TMEM17: variants seen among roughly 807,000 people sequenced by gnomAD.
TMEM17 encodes transmembrane protein 17.
In TMEM17, 15 loss-of-function variants were observed where a neutral mutation model predicts 19.1. The ratio of observed to expected loss-of-function variants is 0.78; its 90% confidence interval spans 0.52 to 1.21. The LOEUF (loss-of-function observed/expected upper bound fraction) is 1.21. TMEM17 is among the 50% of genes most tolerant of loss of function. TMEM17 has a pLI of 0.00. For missense variants in TMEM17, 245 were observed against 242.3 expected (o/e 1.01, Z -0.07); for synonymous variants, 103 against 86.9 (o/e 1.19, Z -1.03).
intron 1 of TMEM17, among the ~76,000 whole-genome samples, chr2:62,504,079 A>G (rs1280881397): frequency 6.6e-6 from 1 of 152,182 alleles, no homozygotes; most frequent in Non-Finnish European, 1.5e-5. Flanking sequence ...TAAAAACATT[A>G]TTTTCTCCTT....
chr2:62,498,826 A>G (rs1479344723), downstream of TMEM17, among the ~76,000 whole-genome samples: 1 of 152,166 alleles, frequency 6.6e-6, no homozygotes, highest in Admixed American at 6.5e-5. Flanking sequence ...AAAAATTTTC[A>G]GTACAGTGTT....
the TMEM17 span, among the ~76,000 whole-genome samples, chr2:62,490,950 G>A: frequency 1.3e-5 from 2 of 151,886 alleles, no homozygotes; most frequent in African/African-American, 4.8e-5. Flanking sequence ...GCAGTGGTGT[G>A]TGCCTGTAAT....
the TMEM17 span, chr2:62,463,852 A>AC: frequency 6.6e-6 from 1 of 152,264 alleles, no homozygotes; most frequent in South Asian, 2.1e-4. Flanking sequence ...CAGCTGGCAG[A>AC]GAGGAGAAGC....
the TMEM17 span, among the ~76,000 whole-genome samples, chr2:62,484,163 T>C: frequency 3.3e-5 from 5 of 152,254 alleles, no homozygotes; most frequent in African/African-American, 1.2e-4. Context: ...GGTTGGTGTC[T>C]TTCCAGACCA....
chr2:62,478,844 T>G, the TMEM17 span, among the ~76,000 whole-genome samples: 1 of 152,368 alleles, frequency 6.6e-6, no homozygotes, highest in South Asian at 2.1e-4. Context: ...TCCTAATTTA[T>G]GCTTCCTTTG....
chr2:62,471,795 G>A, the TMEM17 span, among the ~76,000 whole-genome samples: 9 of 152,284 alleles, frequency 5.9e-5, no homozygotes, highest in African/African-American at 2.2e-4. Flanking sequence ...AATGGCTGTG[G>A]GCTGGTGTGC....
the TMEM17 span, among the ~76,000 whole-genome samples, chr2:62,462,359 T>C: frequency 6.6e-6 from 1 of 152,288 alleles, no homozygotes; most frequent in Admixed American, 6.5e-5. Flanking sequence ...GTTCCAGCCT[T>C]GTGTGACTTT....
the TMEM17 span, among the ~76,000 whole-genome samples, chr2:62,477,414 C>T: frequency 7.2e-6 from 1 of 138,656 alleles, no homozygotes; most frequent in African/African-American, 2.7e-5. Context: ...ACAAAAAAAT[C>T]TCTCAGGGTT....
At chr2:62,466,161 GAGTTTGGAATGTAA>G in the TMEM17 span, among the ~76,000 whole-genome samples, 1 of 152,158 alleles carries the variant, frequency 6.6e-6, no homozygotes, top group African/African-American at 2.4e-5. Flanking sequence ...AGTTTTCTAG[GAGTTTGGAATGTAA>G]AGTTCTTCAC....
the TMEM17 span, among the ~76,000 whole-genome samples, chr2:62,465,473 C>G: frequency 6.6e-6 from 1 of 152,020 alleles, no homozygotes; most frequent in Admixed American, 6.6e-5. Flanking sequence ...TGAAAAGTTT[C>G]TTAAAAAGTG....
At chr2:62,478,444 C>T in the TMEM17 span, among the ~76,000 whole-genome samples, 2 of 152,230 alleles carry the variant, frequency 1.3e-5, no homozygotes, top group Non-Finnish European at 2.9e-5. Flanking sequence ...AGACCCAGCC[C>T]AAGCTCTGCA....
Position 62,500,957 on chromosome 2 carries a change from C to T in TMEM17, c.*252G>A. The T allele has an allele frequency of 5.7e-6, 2 of 352,976 alleles. No homozygotes were observed. The highest frequency in any genetic ancestry group is 4.7e-5 in the East Asian group (1 of 21,262). 21.9% of individuals were successfully genotyped at this position (352,976 alleles called of 1,614,324 possible). ...CCACCAATACATAGATTTCTACACT[C>T]CTGAAAAAGACAACAACATCAAAAA... On this transcript the variant is annotated 3_prime_UTR_variant, in exon 4 of 4. Coordinates refer to ENST00000335390, the MANE Select transcript of TMEM17 (RefSeq NM_198276.3).
the TMEM17 span, among the ~76,000 whole-genome samples, chr2:62,461,447 G>C: frequency 6.6e-6 from 1 of 152,258 alleles, no homozygotes; most frequent in African/African-American, 2.4e-5. Context: ...ATTCCTGCCT[G>C]GTCAGTGGAG....
At chr2:62,499,356 T>C (rs548560830), downstream of TMEM17, among the ~76,000 whole-genome samples, 220 of 152,352 alleles carry the variant, frequency 1.4e-3, 1 homozygote, top group Middle Eastern at 0.01. Context: ...TTTAATTTTA[T>C]TTTATATTTT....
At chr2:62,487,713 G>A in the TMEM17 span, among the ~76,000 whole-genome samples, 1,225 of 152,308 alleles carry the variant, frequency 8.0e-3, 6 homozygotes, top group Non-Finnish European at 0.011. Context: ...TTGTTTGTTC[G>A]AGACGAAGTC....
the TMEM17 span, among the ~76,000 whole-genome samples, chr2:62,469,066 C>T: frequency 6.6e-6 from 1 of 152,310 alleles, no homozygotes; most frequent in South Asian, 2.1e-4. Flanking sequence ...TTTACTGTTC[C>T]AGGAAATGTA....
the TMEM17 span, among the ~76,000 whole-genome samples, chr2:62,462,945 A>T: frequency 1.1e-4 from 17 of 152,150 alleles, no homozygotes; most frequent in African/African-American, 3.4e-4. Context: ...GGACTTGGGT[A>T]TGTCCCCACC....
At chr2:62,482,363 C>A in the TMEM17 span, among the ~76,000 whole-genome samples, 10 of 152,218 alleles carry the variant, frequency 6.6e-5, no homozygotes, top group Non-Finnish European at 1.5e-5. Flanking sequence ...GTTATTTAAT[C>A]TCATCCTCAT....
the TMEM17 span, among the ~76,000 whole-genome samples, chr2:62,485,129 T>C: frequency 6.6e-6 from 1 of 152,170 alleles, no homozygotes; most frequent in African/African-American, 2.4e-5. Context: ...TTTGTAGAGA[T>C]GGGGTTTCAC....
Sources: gnomAD v4.1 joint callset for allele counts (sites outside exome capture counted in the v4.1 genomes callset) on GRCh38, gnomAD v4.1.1 for gene constraint, MANE v1.5 for transcripts, NCBI Gene and HGNC (gene_info 2026-07-23, HGNC 2026-07-21) for gene names.